EPM2A: variants seen among roughly 807,000 people sequenced by gnomAD.
EPM2A encodes laforin.
A neutral mutation model predicts 26.5 loss-of-function variants in EPM2A; 21 were observed. That is an observed-to-expected ratio of 0.79 (90% confidence interval 0.56 to 1.14). The LOEUF is 1.14. EPM2A is among the 50% of genes most tolerant of loss of function. The probability of loss-of-function intolerance (pLI) is 0.00; values close to 1 mark genes in which losing one functional copy is unlikely to be tolerated. For synonymous variants in EPM2A, 217 were observed against 177.6 expected (o/e 1.22, Z -1.76); for missense variants, 458 against 440.8 (o/e 1.04, Z -0.35).
chr6:145,467,084 G>A (rs1230786217), intron 4 of EPM2A, among the ~76,000 whole-genome samples: 21 of 151,944 alleles, frequency 1.4e-4, no homozygotes, highest in Admixed American at 1.3e-3. Flanking sequence ...CATGGCACAT[G>A]TATGCATATG....
chr6:145,683,270 T>G (rs1216441004), intron 2 of EPM2A, among the ~76,000 whole-genome samples: 1 of 67,670 alleles, frequency 1.5e-5, no homozygotes, highest in African/African-American at 3.9e-5. Context: ...CAGGATTTGG[T>G]GTGTGTGTGT....
intron 4 of EPM2A, among the ~76,000 whole-genome samples, chr6:145,401,839 T>C (rs1437671456): frequency 6.6e-6 from 1 of 152,084 alleles, no homozygotes; most frequent in Admixed American, 6.6e-5. Context: ...CTGGGATATT[T>C]TGAGCTCCAA....
chr6:145,430,823 C>G (rs1164195568), intron 4 of EPM2A, among the ~76,000 whole-genome samples: 1 of 152,112 alleles, frequency 6.6e-6, no homozygotes, highest in Non-Finnish European at 1.5e-5. Context: ...TACTGAAGAA[C>G]TAAATCTAGG....
chr6:145,418,758 A>G (rs1778741964), intron 4 of EPM2A, among the ~76,000 whole-genome samples: 1 of 152,162 alleles, frequency 6.6e-6, no homozygotes, highest in East Asian at 1.9e-4. Flanking sequence ...AATGACATAT[A>G]GACTGTTGCT....
intron 2 of EPM2A, among the ~76,000 whole-genome samples, chr6:145,515,105 G>C (rs1230753039): frequency 6.6e-6 from 1 of 152,194 alleles, no homozygotes. Context: ...TTGCAGTATA[G>C]AGGCCACTCA....
In EPM2A at chr6:145,691,375, A is replaced by G. The variant is rs117886606; in HGVS notation, c.302-5079T>C. 6.2e-3 allele frequency among the ~76,000 whole-genome samples: 939 copies of G among 152,282 alleles called. 2 individuals are homozygous for G. Among genetic ancestry groups the G allele is most frequent in the Non-Finnish European group, 0.01 (681 of 68,004 alleles). On this transcript the variant is annotated intron_variant, in intron 1 of 3. Coordinates refer to ENST00000367519, the MANE Select transcript of EPM2A (RefSeq NM_005670.4). ...TAAAAAAGAACAACTGTCAACCAAG[A>G]ATCTTACTTTGTGACTATTTCCTTC...
Position 145,735,451 on chromosome 6 carries a change from G to C in EPM2A, c.48C>G (p.Ala16=). 8.1e-7 allele frequency: 1 copy of C among 1,241,858 alleles called. No individual in the cohort carries two copies. The highest frequency in any genetic ancestry group is 1.0e-6 in the Non-Finnish European group (1 of 988,022). The allele number at this position is 1,241,858 out of a possible 1,614,324, so 76.9% of individuals were successfully genotyped here. ...GVVVPPAVAG[A]RPELLVVGSR... The stretch of plus-strand genomic sequence containing the variant: ...ACCCCACCACCAGCAGCTCCGGCCG[G>C]GCGCCGGCCACGGCGGGTGGCACCA... The change falls in exon 1 of 4, where the codon GCC becomes GCG. Residue 16 remains alanine, a synonymous_variant. Coordinates refer to ENST00000367519, the MANE Select transcript of EPM2A (RefSeq NM_005670.4).
chr6:145,615,687 T>A (rs533241438), intron 2 of EPM2A, among the ~76,000 whole-genome samples: 1 of 152,076 alleles, frequency 6.6e-6, no homozygotes, highest in South Asian at 2.1e-4. Context: ...ATATGGACAA[T>A]GAAATCCAAG....
intron 2 of EPM2A, among the ~76,000 whole-genome samples, chr6:145,552,574 A>AAT (rs1323398290): frequency 6.6e-6 from 1 of 152,166 alleles, no homozygotes; most frequent in Non-Finnish European, 1.5e-5. Context: ...AAATGTAATA[A>AAT]ATATATGTAT....
At chr6:145,449,361 G>A (rs997909626) in intron 4 of EPM2A, among the ~76,000 whole-genome samples, 2 of 152,106 alleles carry the variant, frequency 1.3e-5, no homozygotes, top group African/African-American at 2.4e-5. Context: ...TATACAACCA[G>A]ATGCCCCCTT....
At position 145,389,141 on chromosome 6, in the gene EPM2A, T is replaced by TA. The variant is rs1355265775; in HGVS notation, c.556-5045dup. On this transcript the variant is annotated intron_variant, in intron 4 of 4. Transcript: ENST00000638717. ...TTGGGCCTACCTTCACATCTACATT[T>TA]AAAAATGCAACCCCCTCTTCTCCTC... 2.0e-5 allele frequency among the ~76,000 whole-genome samples: 3 copies of TA among 152,210 alleles called. No individual in the cohort carries two copies. The East Asian group carries it at 5.8e-4, about 29-fold the overall frequency.
intron 3 of EPM2A, among the ~76,000 whole-genome samples, chr6:145,632,538 T>TA (rs1342884509): frequency 6.0e-5 from 9 of 150,018 alleles, no homozygotes; most frequent in African/African-American, 2.2e-4. Flanking sequence ...AAAAGATTTT[T>TA]TAAAAAAAGA....
chr6:145,394,507 T>G (rs1487810922), intron 4 of EPM2A, among the ~76,000 whole-genome samples: 1 of 152,162 alleles, frequency 6.6e-6, no homozygotes, highest in African/African-American at 2.4e-5. Context: ...TTGGCCAGAA[T>G]AGAGTCCAAC....
rs2128555409 is a variant in EPM2A at position 145,626,662 on chromosome 6, CTGGT to C, written c.*750_*753del. 3.1e-6 allele frequency: 3 copies of C among 979,702 alleles called. No homozygotes were observed. The South Asian group carries it at 1.4e-4, about 46-fold the overall frequency. 60.7% of individuals were successfully genotyped at this position (979,702 alleles called of 1,614,324 possible). A position where few individuals can be genotyped will look rare whatever the true frequency, so the allele number is the denominator to read the frequency against. On this transcript the variant is annotated 3_prime_UTR_variant, in exon 4 of 4. Transcript: ENST00000367519. ...ATTATTAACTCCAGCTTGCCCTTGA[CTGGT>C]CATGAGACCTTGGACAAGCTACCTA...
chr6:145,690,237 A>G (rs545470912), intron 1 of EPM2A, among the ~76,000 whole-genome samples: 1 of 152,222 alleles, frequency 6.6e-6, no homozygotes. Flanking sequence ...CAGGCCGGGC[A>G]CGGTGGCTCA....
At chr6:145,384,337 A>AAAAAATAAAAAAAGGTC in intron 4 of EPM2A, among the ~76,000 whole-genome samples, 1 of 149,804 alleles carries the variant, frequency 6.7e-6, no homozygotes. Flanking sequence ...TGGCTGTTGT[A>AAAAAATAAAAAAAGGTC]AGTTGGATTT....
intron 2 of EPM2A, among the ~76,000 whole-genome samples, chr6:145,647,680 G>A (rs1201575559): frequency 6.6e-6 from 1 of 151,990 alleles, no homozygotes; most frequent in East Asian, 1.9e-4. Flanking sequence ...AGGAAGGCAG[G>A]AAGGAAGGAA....
intron 2 of EPM2A, among the ~76,000 whole-genome samples, chr6:145,652,528 G>A (rs1352332914): frequency 6.6e-6 from 1 of 151,804 alleles, no homozygotes; most frequent in Non-Finnish European, 1.5e-5. Context: ...AAATACATGA[G>A]TACCACTCAA....
In EPM2A at chr6:145,649,861, T is replaced by A. The variant is rs367927409; in HGVS notation, c.477-14375A>T. Reference sequence around the variant, plus strand: ...ATACTGCCCAACTCTTTATAGAAAATGTTTGCTGATCCCTGCCTTAGATGT... The same window carrying A: ...ATACTGCCCAACTCTTTATAGAAAAAGTTTGCTGATCCCTGCCTTAGATGT... On this transcript the variant is annotated intron_variant, in intron 2 of 3. Coordinates refer to ENST00000367519, the MANE Select transcript of EPM2A (RefSeq NM_005670.4). 9.8e-4 allele frequency among the ~76,000 whole-genome samples: 149 copies of A among 152,234 alleles called. 1 individual carries two copies. Among genetic ancestry groups the A allele is most frequent in the African/African-American group, 3.4e-3 (142 of 41,528 alleles).
Sources: allele counts gnomAD v4.1 joint callset (sites outside exome capture counted in the v4.1 genomes callset), GRCh38; gene constraint gnomAD v4.1.1; transcripts MANE v1.5; gene names NCBI Gene and HGNC (gene_info 2026-07-23, HGNC 2026-07-21).